Variants in IRAK1BP1 observed in about 807,000 individuals in gnomAD.
The protein encoded by IRAK1BP1 is interleukin-1 receptor-associated kinase 1-binding protein 1.
A neutral mutation model predicts 28.0 loss-of-function variants in IRAK1BP1; 24 were observed. That is an observed-to-expected ratio of 0.86 (90% CI 0.62 to 1.20). The LOEUF (loss-of-function observed/expected upper bound fraction) is 1.20. Ranked by LOEUF, IRAK1BP1 falls within the 50% of genes most tolerant of loss-of-function variation. The pLI is 0.00. For synonymous variants in IRAK1BP1, 131 were observed against 116.3 expected (o/e 1.13, Z -0.81); for missense variants, 336 against 316.7 (o/e 1.06, Z -0.46).
intron 1 of IRAK1BP1, among the ~76,000 whole-genome samples, chr6:78,875,145 C>G (rs901296008): frequency 2.6e-5 from 4 of 152,124 alleles, no homozygotes; most frequent in African/African-American, 9.7e-5. Flanking sequence ...TCAGCATCAC[C>G]AGTCATTGGA....
intron 4 of IRAK1BP1, among the ~76,000 whole-genome samples, chr6:78,912,617 A>G (rs1217351805): frequency 6.6e-6 from 1 of 152,168 alleles, no homozygotes; most frequent in Non-Finnish European, 1.5e-5. Context: ...TGTTGTCAAT[A>G]ACAGGTTTGT....
At chr6:78,978,502 T>C in the IRAK1BP1 span, 1 of 1,025,428 alleles carries the variant, frequency 9.8e-7, no homozygotes, top group Non-Finnish European at 1.4e-6. Flanking sequence ...ACAAAACTGC[T>C]TCTATTTTCC....
intron 4 of IRAK1BP1, among the ~76,000 whole-genome samples, chr6:78,935,055 T>C (rs970903680): frequency 1.3e-5 from 2 of 152,158 alleles, no homozygotes; most frequent in African/African-American, 4.8e-5. Context: ...CGTTAAATAC[T>C]GGGGAATCCT....
the IRAK1BP1 span, among the ~76,000 whole-genome samples, chr6:78,953,846 A>C: frequency 6.6e-6 from 1 of 152,132 alleles, no homozygotes; most frequent in African/African-American, 2.4e-5. Flanking sequence ...TTGGCTTCCC[A>C]AAGTGCTGGG....
chr6:78,923,118 C>A (rs1562099413), intron 4 of IRAK1BP1, among the ~76,000 whole-genome samples: 2 of 152,168 alleles, frequency 1.3e-5, no homozygotes, highest in Middle Eastern at 6.8e-3. Flanking sequence ...AATTAAAAGG[C>A]ACAGACTGGC....
chr6:78,897,392 C>T (rs1332523990), intron 2 of IRAK1BP1, among the ~76,000 whole-genome samples: 1 of 151,858 alleles, frequency 6.6e-6, no homozygotes, highest in Non-Finnish European at 1.5e-5. Context: ...AATACATTAG[C>T]TTCCACATAT....
rs1356089562 is a variant in IRAK1BP1, at chr6:78,872,028, A to C, written c.315+4137A>C. The C allele has an allele frequency of 1.7e-4, 114 of 655,274 alleles. 1 individual carries two copies. The East Asian group carries it at 3.3e-3, about 19-fold the overall frequency. 40.6% of individuals were successfully genotyped at this position (655,274 alleles called of 1,614,324 possible). ...CCAGGGAATTAAAGTCCTCTCCCCC[A>C]GCCCCAGCAGCCTTCATCTGAAGGC... is the stretch of plus-strand genomic sequence containing the variant. On this transcript the variant is annotated intron_variant, in intron 1 of 3. Transcript: ENST00000369940.
At chr6:78,927,032 T>C (rs1475933573) in intron 4 of IRAK1BP1, among the ~76,000 whole-genome samples, 1 of 152,140 alleles carries the variant, frequency 6.6e-6, no homozygotes, top group Non-Finnish European at 1.5e-5. Context: ...CTCTTGGATA[T>C]ACTGATTTCC....
At chr6:78,948,470 T>TC (rs1652077243), downstream of IRAK1BP1, among the ~76,000 whole-genome samples, 1 of 151,644 alleles carries the variant, frequency 6.6e-6, no homozygotes. Flanking sequence ...AATATGCTAT[T>TC]TTTTTTTAGC....
the IRAK1BP1 span, chr6:78,963,299 T>C: frequency 2.0e-6 from 3 of 1,468,178 alleles, no homozygotes; most frequent in South Asian, 3.9e-5. Flanking sequence ...AACTTATTAG[T>C]ATTCAGGTTA....
At chr6:78,974,623 C>T in the IRAK1BP1 span, among the ~76,000 whole-genome samples, 7 of 151,746 alleles carry the variant, frequency 4.6e-5, no homozygotes, top group Admixed American at 1.3e-4. Context: ...ATCGATAGAC[C>T]GCCAGCAAGA....
intron 2 of IRAK1BP1, among the ~76,000 whole-genome samples, chr6:78,893,997 G>C (rs908589929): frequency 1.3e-5 from 2 of 152,028 alleles, no homozygotes; most frequent in African/African-American, 4.8e-5. Flanking sequence ...ATAGCACAAA[G>C]GTCAAGAAGG....
chr6:78,891,885 G>T (rs1258409457), intron 2 of IRAK1BP1, among the ~76,000 whole-genome samples: 1 of 152,040 alleles, frequency 6.6e-6, no homozygotes, highest in African/African-American at 2.4e-5. Context: ...TTCCTTGCAT[G>T]CCTGCTATGT....
chr6:78,901,926 G>T lies in IRAK1BP1; in HGVS notation c.*3592G>T, dbSNP rs146161384. On this transcript the variant is annotated 3_prime_UTR_variant, in exon 4 of 4. Transcript: ENST00000369940. ...GGCTAAGGATATCTCAACTCTGTCAGATTTGTTGATAAGAATTTAATAGTA... is the reference window on the plus strand; with the variant it reads ...GGCTAAGGATATCTCAACTCTGTCATATTTGTTGATAAGAATTTAATAGTA... 184 of 152,224 alleles carry T rather than the reference G, an allele frequency of 1.2e-3. No individual in the cohort carries two copies. The highest frequency in any genetic ancestry group is 4.2e-3 in the African/African-American group (173 of 41,544). 9.4% of individuals were successfully genotyped at this position (152,224 alleles called of 1,614,324 possible).
At chr6:78,976,074 C>G in the IRAK1BP1 span, among the ~76,000 whole-genome samples, 4 of 151,760 alleles carry the variant, frequency 2.6e-5, no homozygotes, top group Non-Finnish European at 5.9e-5. Flanking sequence ...CAAGTCAATC[C>G]TAAGCCAAAA....
At chr6:78,933,872 T>C (rs1773156391) in intron 4 of IRAK1BP1, among the ~76,000 whole-genome samples, 1 of 152,150 alleles carries the variant, frequency 6.6e-6, no homozygotes, top group African/African-American at 2.4e-5. Context: ...TGAAGTAGCA[T>C]CCTTAACTTC....
intron 2 of IRAK1BP1, among the ~76,000 whole-genome samples, chr6:78,895,954 T>C (rs1771867691): frequency 6.6e-6 from 1 of 152,082 alleles, no homozygotes; most frequent in Non-Finnish European, 1.5e-5. Flanking sequence ...TTGTAGAAAA[T>C]CTGATAGAAT....
chr6:78,926,064 C>CA (rs1189871916), intron 4 of IRAK1BP1, among the ~76,000 whole-genome samples: 1 of 151,578 alleles, frequency 6.6e-6, no homozygotes, highest in Non-Finnish European at 1.5e-5. Context: ...GGGTGAAGAT[C>CA]AAAAAATGCT....
the IRAK1BP1 span, among the ~76,000 whole-genome samples, chr6:78,960,988 T>G: frequency 6.6e-6 from 1 of 152,136 alleles, no homozygotes; most frequent in Admixed American, 6.6e-5. Flanking sequence ...ATTGTTGGAC[T>G]GCTAAGCAAA....
Sources: gnomAD v4.1 joint callset for allele counts (sites outside exome capture counted in the v4.1 genomes callset) on GRCh38, gnomAD v4.1.1 for gene constraint, MANE v1.5 for transcripts, NCBI Gene and HGNC (gene_info 2026-07-23, HGNC 2026-07-21) for gene names.